The following ANKRD36 variants were observed in gnomAD, a reference collection of about 807,000 sequenced individuals.
ANKRD36 encodes ankyrin repeat domain 36, also known as ankyrin repeat domain-containing protein 36A.
Under a neutral mutation model 278.1 loss-of-function variants are expected in ANKRD36, and 179 were observed. The ratio of observed to expected loss-of-function variants is 0.64; its 90% CI spans 0.57 to 0.73. The LOEUF (loss-of-function observed/expected upper bound fraction) is 0.73, where lower values mean the gene tolerates loss of function less well. Among genes scored for constraint, ANKRD36 ranks in the 30% least tolerant of loss-of-function variants. ANKRD36 has a pLI of 0.00. For missense variants in ANKRD36, 1,159 were observed against 1,956.7 expected (o/e 0.59, Z 7.69); for synonymous variants, 320 against 641.1 (o/e 0.50, Z 7.57).
intron 56 of ANKRD36, 127 bp from the exon 57 acceptor site, chr2:97,211,419 G>T: frequency 7.0e-7 from 1 of 1,423,234 alleles, no homozygotes; most frequent in Non-Finnish European, 9.6e-7. Flanking sequence ...CAGACACAAA[G>T]TAGAAGCCGT....
chr2:97,220,777 T>TTTAA (rs1553460265), intron 66 of ANKRD36, among the ~76,000 whole-genome samples: 6 of 94,502 alleles, frequency 6.3e-5, no homozygotes, highest in East Asian at 5.5e-4. Flanking sequence ...TTTTTTTAAT[T>TTTAA]TTTTTTTTTT....
Position 97,200,465 on chromosome 2 carries a change from G to C in ANKRD36, c.2797G>C (p.Glu933Gln). Residue 933 changes from glutamate to glutamine, a missense_variant, in exon 46 of 76, where the codon GAG becomes CAG. Glu to Gln is a conservative substitution (Grantham distance 29). Transcript: ENST00000420699. The part of the protein sequence containing the change: ...KKPSLEATSD[E>Q]KDSFSNITRE... ...AAATTCCATTCAGGCCACAAGTGAT[G>C]AGAAGGATTCTTTTTCGAATATAAC... 1 of 1,591,994 alleles carries C rather than the reference G, an allele frequency of 6.3e-7. No homozygotes were observed. Among genetic ancestry groups the C allele is most frequent in the Non-Finnish European group, 8.5e-7 (1 of 1,174,230 alleles).
rs781617608 is a variant in ANKRD36 at position 97,113,794 on chromosome 2, G to T, written c.55G>T (p.Asp19Tyr). ...WPTLMERLCS[D>Y]GFAFPQYPIK... ...CACCCTCATGGAGCGCTTGTGCTCG[G>T]ATGGCTTCGCATTTCCCCAATACCC... The change falls in exon 1 of 76, where the codon GAT becomes TAT. Residue 19 changes from aspartate to tyrosine, a missense_variant. Physicochemically the swap from Asp to Tyr is radical, Grantham distance 160 (BLOSUM62 -3). Transcript: ENST00000420699. The T allele has an allele frequency of 2.5e-6, 4 of 1,613,014 alleles. No homozygotes were observed. The highest frequency in any genetic ancestry group is 2.5e-6 in the Non-Finnish European group (3 of 1,180,002).
At chr2:97,228,071 C>A (rs1216805783) in intron 67 of ANKRD36, among the ~76,000 whole-genome samples, 22 of 152,216 alleles carry the variant, frequency 1.4e-4, no homozygotes, top group Admixed American at 7.2e-4. Flanking sequence ...CATCAATGTT[C>A]ATTAAGGATA....
chr2:97,191,120 T>C lies in ANKRD36; in HGVS notation c.2286T>C (p.Asp762=), dbSNP rs778637487. The C allele has an allele frequency of 5.0e-6, 8 of 1,597,814 alleles. No individual in the cohort carries two copies. The African/African-American group carries it at 6.7e-5, about 13-fold the overall frequency. ...CAAATTCCATTCAGGCTACAACTGA[T>C]GAGAAAGATTCTGTTTCGAACATAG... is the stretch of plus-strand genomic sequence containing the variant. ...QKQPALKATT[D]EKDSVSNIAT... The change falls in exon 36 of 76, where the codon GAT becomes GAC. Residue 762 remains aspartate (D), a synonymous_variant. Transcript: ENST00000420699.
rs1270738144 is a variant in ANKRD36, at chr2:97,124,612, A to C, written c.731+15A>C. ...AAGAATAGAGTGTAAGTCTTTACAT[A>C]AAAAGGCTAGTGAACACTAAATTGA... On this transcript the variant is annotated intron_variant, in intron 5 of 75. Transcript: ENST00000420699. 7 of 1,544,470 alleles carry C rather than the reference A, an allele frequency of 4.5e-6. No homozygotes were observed. Among genetic ancestry groups the C allele is most frequent in the Non-Finnish European group, 6.1e-6 (7 of 1,144,546 alleles).
intron 17 of ANKRD36, among the ~76,000 whole-genome samples, chr2:97,160,955 T>C (rs2048714324): frequency 6.6e-6 from 1 of 151,968 alleles, no homozygotes; most frequent in Admixed American, 6.6e-5. Context: ...ATATATTTTA[T>C]ATCTTTTAAT....
At chr2:97,154,792 T>C in intron 15 of ANKRD36, 51 bp downstream of exon 15, 1 of 1,376,512 alleles carries the variant, frequency 7.3e-7, no homozygotes, top group South Asian at 1.3e-5. Flanking sequence ...TCTCATTTTT[T>C]GTATTATTTT....
At chr2:97,218,947 A>G in intron 64 of ANKRD36, 103 bp from the exon 65 acceptor site, 2 of 1,479,896 alleles carry the variant, frequency 1.4e-6, no homozygotes, top group South Asian at 2.6e-5. Flanking sequence ...ACCCTACACT[A>G]ATACAGGCAA....
At chr2:97,128,073 C>G (rs528870351) in intron 6 of ANKRD36, among the ~76,000 whole-genome samples, 1 of 151,862 alleles carries the variant, frequency 6.6e-6, no homozygotes, top group African/African-American at 2.4e-5. Context: ...GTGTACTGGC[C>G]TTTATACTGC....
intron 22 of ANKRD36, among the ~76,000 whole-genome samples, chr2:97,178,718 A>T (rs1247935637): frequency 6.6e-6 from 1 of 151,212 alleles, no homozygotes; most frequent in Non-Finnish European, 1.5e-5. Context: ...TGGGAGATAT[A>T]CCTAATGCTA....
Position 97,198,593 on chromosome 2 carries a change from G to A in ANKRD36, c.2690G>A (p.Ser897Asn), listed in dbSNP as rs2060455812. Residue 897 changes from serine to asparagine, a missense_variant, in exon 44 of 76, where the codon AGT (serine) becomes AAT (asparagine). Transcript: ENST00000420699. Reference sequence around the variant, plus strand: ...ATTTCAAATTCCATTCAGGCTTCAAGTGCCGAGAAAGATTCTGTTTTGAAT... The same window carrying A: ...ATTTCAAATTCCATTCAGGCTTCAAATGCCGAGAAAGATTCTGTTTTGAAT... ...SEKPPGLKAS[S>N]AEKDSVLNIA... 13 of 1,547,700 alleles carry A rather than the reference G, an allele frequency of 8.4e-6. No homozygotes were observed. The highest frequency in any genetic ancestry group is 2.3e-4 in the Middle Eastern group (1 of 4,346).
chr2:97,163,436 T>C (rs564064646), intron 18 of ANKRD36: 34 of 361,436 alleles, frequency 9.4e-5, no homozygotes, highest in African/African-American at 6.5e-4. Flanking sequence ...AGAACTAAAG[T>C]TGAGAATCCA....
rs566074283 is a variant in ANKRD36, at chr2:97,203,360, T to A, written c.2960-708T>A. On this transcript the variant is annotated intron_variant, in intron 48 of 75. Coordinates refer to ENST00000420699, the MANE Select transcript of ANKRD36 (RefSeq NM_001354587.1). The stretch of plus-strand genomic sequence containing the variant: ...TTTCACTTTGTATGTGTATGTCAAA[T>A]TTGATAATTGATGATATTTTTATTG... 8.6e-5 allele frequency among the ~76,000 whole-genome samples: 13 copies of A among 151,968 alleles called. No individual in the cohort carries two copies. The South Asian group carries it at 1.9e-3, about 22-fold the overall frequency.
rs2058023048 is a variant in ANKRD36 at position 97,189,057 on chromosome 2, G to A, written c.2144-30G>A. On this transcript the variant is annotated intron_variant, in intron 32 of 75. Coordinates refer to ENST00000420699, the MANE Select transcript of ANKRD36 (RefSeq NM_001354587.1). ...GGATAACTTTATCATATTTACATAT[G>A]AGTGATTATGTATCCCTTTTGCTTT... The A allele has an allele frequency of 5.4e-6, 4 of 740,418 alleles. 1 individual carries two copies. The African/African-American group carries it at 5.7e-5, about 11-fold the overall frequency. The allele number at this position is 740,418 out of a possible 1,614,324, so 45.9% of individuals were successfully genotyped here.
intron 11 of ANKRD36, among the ~76,000 whole-genome samples, chr2:97,146,928 C>A (rs2044411174): frequency 6.6e-6 from 1 of 151,872 alleles, no homozygotes; most frequent in Admixed American, 6.6e-5. Context: ...TAGAGTATTT[C>A]TTAGAAGCCT....
intron 66 of ANKRD36, among the ~76,000 whole-genome samples, chr2:97,220,124 A>T (rs1388865913): frequency 1.4e-5 from 2 of 139,766 alleles, no homozygotes; most frequent in Non-Finnish European, 3.0e-5. Context: ...AGTAAATTGT[A>T]GGTGTTTATG....
intron 4 of ANKRD36, among the ~76,000 whole-genome samples, chr2:97,124,041 T>G (rs185951562): frequency 0.02 from 3,046 of 150,620 alleles, 110 homozygotes; most frequent in African/African-American, 0.071. Context: ...CTACTACTAT[T>G]AGCATTCCTA....
intron 30 of ANKRD36, among the ~76,000 whole-genome samples, chr2:97,186,720 A>T (rs2057477390): frequency 6.6e-6 from 1 of 151,906 alleles, no homozygotes; most frequent in Admixed American, 6.6e-5. Context: ...TGTACATTCA[A>T]CTGAAGTGTC....
Sources: gnomAD v4.1 joint callset for allele counts (sites outside exome capture counted in the v4.1 genomes callset) on GRCh38, gnomAD v4.1.1 for gene constraint, MANE v1.5 for transcripts, NCBI Gene and HGNC (gene_info 2026-07-23, HGNC 2026-07-21) for gene names.